CASP10: variants seen among roughly 807,000 people sequenced by gnomAD.
CASP10 encodes caspase-10.
In CASP10, 41 loss-of-function variants were observed where a neutral mutation model predicts 48.5. That is an observed-to-expected ratio of 0.85 (90% confidence interval 0.66 to 1.10). The LOEUF (loss-of-function observed/expected upper bound fraction) is 1.10, where lower values mean the gene tolerates loss of function less well. Ranked by LOEUF, CASP10 falls within the 50% of genes least tolerant of loss-of-function variation. CASP10 has a pLI of 0.00. For synonymous variants in CASP10, 232 were observed against 238.4 expected (o/e 0.97, Z 0.25); for missense variants, 614 against 614.5 (o/e 1.00, Z 0.01).
intron 9 of CASP10, among the ~76,000 whole-genome samples, chr2:201,215,240 G>A (rs1464668827): frequency 1.2e-4 from 7 of 57,208 alleles, no homozygotes; most frequent in East Asian, 4.2e-4. Flanking sequence ...TTTTTTTGCC[G>A]TGCAAAAGGG....
intron 9 of CASP10, among the ~76,000 whole-genome samples, chr2:201,211,905 A>T (rs555172415): frequency 6.6e-6 from 1 of 152,230 alleles, no homozygotes; most frequent in African/African-American, 2.4e-5. Context: ...CCTCGATAAT[A>T]GCCATTCTAA....
At chr2:201,197,441 C>T (rs576212008) in intron 5 of CASP10, among the ~76,000 whole-genome samples, 1 of 152,244 alleles carries the variant, frequency 6.6e-6, no homozygotes, top group African/African-American at 2.4e-5. Context: ...ATAGCGAAAC[C>T]CCATCTCTAC....
exon 10 of CASP10, chr2:201,229,355 A>C: frequency 1.9e-6 from 1 of 514,038 alleles, no homozygotes; most frequent in Admixed American, 3.4e-5. Flanking sequence ...CAATTTAAAC[A>C]AATGGTCCAT....
Position 201,208,105 on chromosome 2 carries a change from C to A in CASP10, c.844C>A (p.His282Asn), listed in dbSNP as rs1945269105. 2 of 1,613,960 alleles carry A rather than the reference C, an allele frequency of 1.2e-6. No individual in the cohort carries two copies. The highest frequency in any genetic ancestry group is 1.7e-6 in the Non-Finnish European group (2 of 1,179,888). The change falls in exon 8 of 10, where the codon CAC becomes AAC. Residue 282 changes from histidine to asparagine, a missense_variant. Transcript: ENST00000286186. ...AGCTGTGTACAGGATGAATCGGAAC[C>A]ACAGAGGCCTCTGTGTCATTGTCAA... ...RAAVYRMNRNHRGLCVIVNNH... is the reference protein window; with the variant it reads ...RAAVYRMNRNNRGLCVIVNNH...
chr2:201,190,552 G>A (rs1043548916), intron 3 of CASP10, among the ~76,000 whole-genome samples: 1 of 151,984 alleles, frequency 6.6e-6, no homozygotes, highest in Non-Finnish European at 1.5e-5. Context: ...AGCGCTCCAG[G>A]TGGTTTTCAT....
chr2:201,188,102 A>T (rs1171992793), intron 3 of CASP10, among the ~76,000 whole-genome samples: 1 of 152,202 alleles, frequency 6.6e-6, no homozygotes, highest in Non-Finnish European at 1.5e-5. Flanking sequence ...AATGTTCATG[A>T]AGCATTAGCA....
chr2:201,229,259 T>C (rs879009421), exon 10 of CASP10: 1 of 687,420 alleles, frequency 1.5e-6, no homozygotes, highest in South Asian at 1.8e-5. Flanking sequence ...CGTGTACCTG[T>C]GTCATCTTTC....
chr2:201,221,032 A>T lies in CASP10; in HGVS notation c.*3291A>T. ...GAAAAAGAATGTGTCCTATGTGTGC[A>T]TCTATTTAAATCTAACTGTGCTGAG... On this transcript the variant is annotated 3_prime_UTR_variant, in exon 10 of 10. Coordinates refer to ENST00000286186, the MANE Select transcript of CASP10 (RefSeq NM_032977.4). The T allele has an allele frequency of 2.0e-6, 2 of 985,458 alleles. No individual in the cohort carries two copies. The highest frequency in any genetic ancestry group is 2.4e-6 in the Non-Finnish European group (2 of 829,936). The allele number at this position is 985,458 out of a possible 1,614,324, so 61.0% of individuals were successfully genotyped here.
rs886055429 is a variant in CASP10 at position 201,221,106 on chromosome 2, A to G, written c.*3365A>G. The G allele has an allele frequency of 7.5e-5, 74 of 985,340 alleles. No individual in the cohort carries two copies. The highest frequency in any genetic ancestry group is 8.8e-5 in the Non-Finnish European group (73 of 829,948). The allele number at this position is 985,340 out of a possible 1,614,324, so 61.0% of individuals were successfully genotyped here. On this transcript the variant is annotated 3_prime_UTR_variant, in exon 10 of 10. Transcript: ENST00000286186. ...GTAGGGTCTTCCGGTTGTAACTGCA[A>G]CAGAAATAGCAGGACTTAAGTTCCT...
chr2:201,187,865 G>C lies in CASP10; in HGVS notation c.441+66G>C, dbSNP rs1348840153. 22 of 1,216,544 alleles carry C rather than the reference G, an allele frequency of 1.8e-5. No homozygotes were observed. The Admixed American group carries it at 3.7e-4, about 21-fold the overall frequency. The allele number at this position is 1,216,544 out of a possible 1,614,324, so 75.4% of individuals were successfully genotyped here. The stretch of plus-strand genomic sequence containing the variant: ...TTAATCAATGATTAGAAAGATGCTG[G>C]AAAGGGTTTTTAGGGAGATTTATTT... On this transcript the variant is annotated intron_variant, in intron 3 of 9. Coordinates refer to ENST00000286186, the MANE Select transcript of CASP10 (RefSeq NM_032977.4).
At chr2:201,207,163 T>C (rs1382804648) in intron 7 of CASP10, among the ~76,000 whole-genome samples, 7 of 152,232 alleles carry the variant, frequency 4.6e-5, no homozygotes, top group Non-Finnish European at 1.0e-4. Flanking sequence ...ATTTATCCTT[T>C]GTCCTGGGCT....
Position 201,205,906 on chromosome 2 carries a change from C to A in CASP10, c.746C>A (p.Pro249Gln), listed in dbSNP as rs1042002030. 1 of 1,612,366 alleles carries A rather than the reference C, an allele frequency of 6.2e-7. No individual in the cohort carries two copies. ...GGTAACAGAGCCACAAATGGTGCAC[C>A]AAGCCTGGTCTCCAGGGGGATGCAA... is the stretch of plus-strand genomic sequence containing the variant. ...SNGNRATNGAPSLVSRGMQGA... is the reference protein window; with the variant it reads ...SNGNRATNGAQSLVSRGMQGA... Residue 249 changes from proline (P) to glutamine (Q), a missense_variant, in exon 7 of 10, where the codon CCA becomes CAA. Physicochemically the swap from Pro to Gln is moderately conservative, Grantham distance 76 (BLOSUM62 -1). Coordinates refer to ENST00000286186, the MANE Select transcript of CASP10 (RefSeq NM_032977.4).
Position 201,229,060 on chromosome 2 carries a change from C to G in CASP10, c.1543C>G (p.Arg515Gly), listed in dbSNP as rs770218906. Reference sequence around the variant, plus strand: ...TGCGCAGACACCTCGACCCCCCATGCGCAGGTGGAGCAGCGTTTCCTAGTT... The same window carrying G: ...TGCGCAGACACCTCGACCCCCCATGGGCAGGTGGAGCAGCGTTTCCTAGTT... Residue 515 changes from arginine to glycine, a missense_variant, in exon 10 of 10, where the codon CGC (arginine) becomes GGC (glycine). Transcript: ENST00000272879. 33 of 1,614,086 alleles carry G rather than the reference C, an allele frequency of 2.0e-5. No homozygotes were observed. The Middle Eastern group carries it at 3.1e-3, about 153-fold the overall frequency.
In CASP10 at chr2:201,219,723, T is replaced by TC. The variant is rs1246435743; in HGVS notation, c.*1983dup. 16 of 958,054 alleles carry TC rather than the reference T, an allele frequency of 1.7e-5. No homozygotes were observed. The African/African-American group carries it at 2.9e-4, about 17-fold the overall frequency. The allele number at this position is 958,054 out of a possible 1,614,324, so 59.3% of individuals were successfully genotyped here. On this transcript the variant is annotated 3_prime_UTR_variant, in exon 10 of 10. Transcript: ENST00000286186. ...ACTTGAGCTTTTTTTTTTTTTTTTTTCAATTTCTAGAGGAACTTTTTCTCT... is the reference window on the plus strand; with the variant it reads ...ACTTGAGCTTTTTTTTTTTTTTTTTTCCAATTTCTAGAGGAACTTTTTCTCT...
intron 9 of CASP10, among the ~76,000 whole-genome samples, chr2:201,227,690 G>A (rs949615007): frequency 2.0e-5 from 3 of 151,944 alleles, no homozygotes; most frequent in African/African-American, 7.2e-5. Context: ...CCGAGTAGCT[G>A]GGACTACAGG....
intron 3 of CASP10, among the ~76,000 whole-genome samples, chr2:201,189,724 A>G (rs1049035548): frequency 3.9e-5 from 6 of 152,144 alleles, no homozygotes; most frequent in Non-Finnish European, 7.3e-5. Flanking sequence ...GAGGCTGGGC[A>G]TGGTGGCTCA....
In CASP10 at chr2:201,220,162, T is replaced by C. The variant is rs561446666; in HGVS notation, c.*2421T>C. ...TGACAGAGGGAATGTCTAATCTATATTGACAGGGCAGGAACACCGTCATCT... is the reference window on the plus strand; with the variant it reads ...TGACAGAGGGAATGTCTAATCTATACTGACAGGGCAGGAACACCGTCATCT... On this transcript the variant is annotated 3_prime_UTR_variant, in exon 10 of 10. Coordinates refer to ENST00000286186, the MANE Select transcript of CASP10 (RefSeq NM_032977.4). The C allele has an allele frequency of 1.2e-5, 12 of 985,140 alleles. No individual in the cohort carries two copies. The highest frequency in any genetic ancestry group is 3.5e-5 in the African/African-American group (2 of 57,368). 61.0% of individuals were successfully genotyped at this position (985,140 alleles called of 1,614,324 possible).
Position 201,218,846 on chromosome 2 carries a change from C to T in CASP10, c.*1105C>T. 1 of 985,430 alleles carries T rather than the reference C, an allele frequency of 1.0e-6. No homozygotes were observed. The highest frequency in any genetic ancestry group is 1.2e-6 in the Non-Finnish European group (1 of 829,952). 61.0% of individuals were successfully genotyped at this position (985,430 alleles called of 1,614,324 possible). On this transcript the variant is annotated 3_prime_UTR_variant, in exon 10 of 10. Coordinates refer to ENST00000286186, the MANE Select transcript of CASP10 (RefSeq NM_032977.4). ...ATTTGGTCTATGCCAGGCCCATTTC[C>T]TGCTTTTGTGTAAGGAAGGTGCTCA...
intron 9 of CASP10, among the ~76,000 whole-genome samples, chr2:201,227,050 T>A (rs1275362135): frequency 6.6e-6 from 1 of 151,776 alleles, no homozygotes; most frequent in African/African-American, 2.4e-5. Context: ...AAGTTTAGAG[T>A]AGTAGTTGCC....
Sources: allele counts gnomAD v4.1 joint callset (sites outside exome capture counted in the v4.1 genomes callset), GRCh38; gene constraint gnomAD v4.1.1; transcripts MANE v1.5; gene names NCBI Gene and HGNC (gene_info 2026-07-23, HGNC 2026-07-21).